RANGAP1: variants seen among roughly 807,000 people sequenced by gnomAD.
The protein encoded by RANGAP1 is Ran GTPase activating protein 1.
RANGAP1 carries 38 observed loss-of-function variants against 63.5 expected under a neutral mutation model. That is an observed-to-expected ratio of 0.60 (90% confidence interval 0.46 to 0.78). The LOEUF (loss-of-function observed/expected upper bound fraction) is 0.78, where lower values mean the gene tolerates loss of function less well. RANGAP1 is among the 30% of genes least tolerant of loss of function. RANGAP1 has a pLI of 0.00. For missense variants in RANGAP1, 630 were observed against 740.3 expected, an observed-to-expected ratio of 0.85 and a Z score of 1.73; for synonymous variants, 329 against 310.5, an observed-to-expected ratio of 1.06 and a Z score of -0.63.
chr22:41,262,633 T>A (rs1746135823), intron 5 of RANGAP1, among the ~76,000 whole-genome samples: 1 of 152,164 alleles, frequency 6.6e-6, no homozygotes, highest in Admixed American at 6.6e-5. Flanking sequence ...CCTGCCTGAC[T>A]CCACGGTGGT....
At chr22:41,263,471 A>C (rs1449317295) in intron 5 of RANGAP1, among the ~76,000 whole-genome samples, 2 of 151,722 alleles carry the variant, frequency 1.3e-5, no homozygotes, top group Non-Finnish European at 2.9e-5. Flanking sequence ...TGCAACCTCC[A>C]CCTCCCGGGT....
intron 3 of RANGAP1, among the ~76,000 whole-genome samples, chr22:41,269,188 TC>T (rs2145785111): frequency 6.6e-6 from 1 of 152,186 alleles, no homozygotes; most frequent in East Asian, 1.9e-4. Flanking sequence ...CAAGTGATCC[TC>T]CCACCTTAGC....
chr22:41,284,422 C>A (rs1231580858), intron 1 of RANGAP1, among the ~76,000 whole-genome samples: 1 of 151,790 alleles, frequency 6.6e-6, no homozygotes, highest in Non-Finnish European at 1.5e-5. Context: ...ACAAAATTAA[C>A]CGGGCGTGGT....
chr22:41,293,178 T>C, the RANGAP1 span, among the ~76,000 whole-genome samples: 1 of 147,318 alleles, frequency 6.8e-6, no homozygotes, highest in Non-Finnish European at 1.5e-5. Context: ...GAGCTTGTAG[T>C]GAGCCGAGAT....
In RANGAP1 at chr22:41,281,046, T is replaced by C. The variant is rs147259616; in HGVS notation, c.-2A>G. ...CTTGGCAATGTCTTCCGAGGCCATGTTGACTAGGCTGGTGGGCTCCCCTGG... is the reference window on the plus strand; with the variant it reads ...CTTGGCAATGTCTTCCGAGGCCATGCTGACTAGGCTGGTGGGCTCCCCTGG... On this transcript the variant is annotated 5_prime_UTR_variant, in exon 2 of 16. Coordinates refer to ENST00000356244, the MANE Select transcript of RANGAP1 (RefSeq NM_002883.4). 6.9e-6 allele frequency: 11 copies of C among 1,593,674 alleles called. No homozygotes were observed. In the East Asian group the frequency reaches 1.3e-4, roughly 19 times the overall value.
chr22:41,295,483 A>T, the RANGAP1 span, among the ~76,000 whole-genome samples: 7 of 152,074 alleles, frequency 4.6e-5, no homozygotes, highest in Non-Finnish European at 1.0e-4. Flanking sequence ...GCTTTGTTAA[A>T]CAGATGCTTG....
At chr22:41,265,235 G>A (rs531226528) in intron 4 of RANGAP1, among the ~76,000 whole-genome samples, 14 of 152,368 alleles carry the variant, frequency 9.2e-5, no homozygotes, top group Middle Eastern at 3.4e-3. Context: ...CGTGGCATGG[G>A]CTTTGGGTGG....
At chr22:41,255,265 G>A (rs2145709557) in intron 10 of RANGAP1, among the ~76,000 whole-genome samples, 1 of 152,274 alleles carries the variant, frequency 6.6e-6, no homozygotes, top group South Asian at 2.1e-4. Flanking sequence ...GCCCACCTCG[G>A]AGTCCCCAGT....
intron 15 of RANGAP1, among the ~76,000 whole-genome samples, chr22:41,248,010 G>A (rs1393392491): frequency 6.6e-6 from 1 of 152,232 alleles, no homozygotes; most frequent in East Asian, 1.9e-4. Context: ...CACAGGGGCT[G>A]CCAGGGATAC....
intron 3 of RANGAP1, among the ~76,000 whole-genome samples, chr22:41,273,401 G>A (rs559364805): frequency 6.6e-6 from 1 of 152,262 alleles, no homozygotes; most frequent in South Asian, 2.1e-4. Context: ...CCTGTTTGGG[G>A]AACACGGGGC....
rs751377621 is a variant in RANGAP1, at chr22:41,274,610, G to A, written c.230C>T (p.Ser77Leu). 8.7e-5 allele frequency: 140 copies of A among 1,613,924 alleles called. No homozygotes were observed. Among genetic ancestry groups the A allele is most frequent in the Non-Finnish European group, 1.1e-4 (132 of 1,179,976 alleles). ...CCCCACTCTGCTCACCTTCAACTCC[G>A]ACTTCTTCTCTAAGGCCTTGGCGAT... ...RVIAKALEKK[S>L]ELKRCHWSDM... The change falls in exon 3 of 16, where the codon TCG becomes TTG. Residue 77 changes from serine (S) to leucine (L), a missense_variant. Physicochemically the swap from Ser to Leu is moderately radical, Grantham distance 145 (BLOSUM62 -2). Transcript: ENST00000356244.
the RANGAP1 span, chr22:41,301,396 G>A: frequency 6.6e-6 from 1 of 152,342 alleles, no homozygotes; most frequent in East Asian, 1.9e-4. Context: ...GACGGGGAAT[G>A]GGGCTTCCCC....
intron 2 of RANGAP1, 85 bp from the exon 3 acceptor site, chr22:41,274,812 C>T (rs2035042878): frequency 6.5e-7 from 1 of 1,545,256 alleles, no homozygotes; most frequent in Admixed American, 1.7e-5. Context: ...CACCTTGCCA[C>T]TCAACAGTCT....
Position 41,258,006 on chromosome 22 carries a change from C to A in RANGAP1, c.716G>T (p.Arg239Leu). The change falls in exon 7 of 16, where the codon CGG (arginine) becomes CTG (leucine). Residue 239 changes from arginine to leucine, a missense_variant. Physicochemically the swap from Arg to Leu is moderately radical, Grantham distance 102. This residue lies in a region of RANGAP1 where 428 missense variants were observed against 465.5 expected (regional missense o/e 0.92). Coordinates refer to ENST00000356244, the MANE Select transcript of RANGAP1 (RefSeq NM_002883.4). ...AQAFAVNPLL[R>L]VINLNDNTFT... ...GGTGTTGTCATTCAGGTTGATGACC[C>A]GCAGCAGGGGGTTGACAGCGAAAGC... 6.2e-7 allele frequency: 1 copy of A among 1,613,340 alleles called. No individual in the cohort carries two copies. Among genetic ancestry groups the A allele is most frequent in the Non-Finnish European group, 8.5e-7 (1 of 1,179,584 alleles).
upstream of RANGAP1, among the ~76,000 whole-genome samples, chr22:41,287,191 A>T (rs2035771953): frequency 3.3e-5 from 5 of 152,346 alleles, no homozygotes; most frequent in Middle Eastern, 3.4e-3. Context: ...GACAAAAAGG[A>T]CATGATGTCT....
chr22:41,266,026 C>A (rs539655172), intron 4 of RANGAP1, among the ~76,000 whole-genome samples: 1 of 152,102 alleles, frequency 6.6e-6, no homozygotes, highest in Non-Finnish European at 1.5e-5. Context: ...CACAGTGAAA[C>A]CCCATCTCTA....
the RANGAP1 span, among the ~76,000 whole-genome samples, chr22:41,292,710 C>A: frequency 6.6e-6 from 1 of 151,864 alleles, no homozygotes; most frequent in Admixed American, 6.6e-5. Flanking sequence ...CATGCCATTG[C>A]GCTCCAGCCT....
intron 2 of RANGAP1, chr22:41,280,621 T>A (rs2035442198): frequency 2.4e-6 from 3 of 1,259,738 alleles, no homozygotes; most frequent in Non-Finnish European, 3.1e-6. Flanking sequence ...CACCGGATAT[T>A]AAGTCAGAGT....
intron 1 of RANGAP1, 137 bp downstream of exon 1, chr22:41,285,849 G>A (rs1265257291): frequency 5.1e-6 from 2 of 394,976 alleles, no homozygotes; most frequent in Non-Finnish European, 6.9e-6. Context: ...CGCCACCCCT[G>A]GGGCGCTCGG....
Sources: allele counts gnomAD v4.1 joint callset (sites outside exome capture counted in the v4.1 genomes callset), GRCh38; gene constraint gnomAD v4.1.1; regional missense constraint gnomAD v4.1.1; transcripts MANE v1.5; gene names NCBI Gene and HGNC (gene_info 2026-07-23, HGNC 2026-07-21).